RGS7BP: variants seen among roughly 807,000 people sequenced by gnomAD.
RGS7BP encodes regulator of G protein signaling 7-binding protein.
Under a neutral mutation model 31.3 loss-of-function variants are expected in RGS7BP, and 9 were observed. The ratio of observed to expected loss-of-function variants is 0.29; its 90% CI spans 0.17 to 0.50. RGS7BP has a LOEUF of 0.50. Ranked by LOEUF, RGS7BP falls within the 20% of genes least tolerant of loss-of-function variation. The pLI, the probability that RGS7BP is intolerant of heterozygous loss-of-function variation, is 0.98. For missense variants in RGS7BP, 274 were observed against 322.0 expected, an observed-to-expected ratio of 0.85 and a Z score of 1.14; for synonymous variants, 115 against 120.1, an observed-to-expected ratio of 0.96 and a Z score of 0.28.
chr5:64,549,122 G>A (rs776805992), intron 2 of RGS7BP, among the ~76,000 whole-genome samples: 23 of 152,120 alleles, frequency 1.5e-4, no homozygotes, highest in Non-Finnish European at 1.5e-5. Flanking sequence ...ACCTAAATCA[G>A]ATATGAATGA....
At chr5:64,580,669 G>C (rs1177157099) in intron 3 of RGS7BP, among the ~76,000 whole-genome samples, 1 of 151,980 alleles carries the variant, frequency 6.6e-6, no homozygotes. Flanking sequence ...ATGGAAAGAA[G>C]TCTGTTTACT....
chr5:64,597,437 T>G (rs1259614503), intron 4 of RGS7BP, among the ~76,000 whole-genome samples: 2 of 152,020 alleles, frequency 1.3e-5, no homozygotes, highest in African/African-American at 4.8e-5. Context: ...GTTCCCATAC[T>G]GCGCCCCTTT....
intron 2 of RGS7BP, among the ~76,000 whole-genome samples, chr5:64,572,092 A>G (rs957868348): frequency 2.0e-5 from 3 of 152,182 alleles, no homozygotes; most frequent in Non-Finnish European, 2.9e-5. Context: ...TAGACTAAAC[A>G]TAAGTAACAT....
rs137868672 is a variant in RGS7BP, at chr5:64,524,833, G to A, written c.332+16956G>A. On this transcript the variant is annotated intron_variant, in intron 2 of 5. Coordinates refer to ENST00000334025, the MANE Select transcript of RGS7BP (RefSeq NM_001029875.3). ...TGCCCACTGCCCACGAGGCCCCTTA[G>A]CACAACTTCCTTGCCATCATTCTGA... Among the ~76,000 whole-genome samples, 86 of 152,116 alleles carry A rather than the reference G, an allele frequency of 5.7e-4. 1 individual carries two copies. The Middle Eastern group carries it at 0.017, about 30-fold the overall frequency.
intron 2 of RGS7BP, among the ~76,000 whole-genome samples, chr5:64,548,052 T>C (rs1459262316): frequency 1.3e-5 from 2 of 152,136 alleles, no homozygotes; most frequent in African/African-American, 4.8e-5. Context: ...AATAAATATA[T>C]GACAATTCAT....
intron 3 of RGS7BP, among the ~76,000 whole-genome samples, chr5:64,577,732 C>T (rs1430168829): frequency 6.6e-6 from 1 of 152,202 alleles, no homozygotes; most frequent in Non-Finnish European, 1.5e-5. Flanking sequence ...CTCTCTGTCT[C>T]TCTCTGACAC....
chr5:64,506,861 C>A lies in RGS7BP; in HGVS notation c.165+72C>A. On this transcript the variant is annotated intron_variant, in intron 1 of 5. Transcript: ENST00000334025. The surrounding 1 kb of genome is among the most constrained non-coding windows in gnomAD (Gnocchi z 4.6). Reference sequence around the variant, plus strand: ...GGTGGGGGGAGTCATGTATGTTAATCATTTGCCTGAGTGCCAGCCACTCCC... The same window carrying A: ...GGTGGGGGGAGTCATGTATGTTAATAATTTGCCTGAGTGCCAGCCACTCCC... 7.0e-7 allele frequency: 1 copy of A among 1,419,890 alleles called. No homozygotes were observed. The highest frequency in any genetic ancestry group is 2.3e-5 in the Admixed American group (1 of 44,058). The allele number at this position is 1,419,890 out of a possible 1,614,324, so 88.0% of individuals were successfully genotyped here. A position where few individuals can be genotyped will look rare whatever the true frequency, so the allele number is the denominator to read the frequency against.
intron 2 of RGS7BP, among the ~76,000 whole-genome samples, chr5:64,575,399 T>C (rs955782177): frequency 4.6e-5 from 7 of 152,230 alleles, no homozygotes; most frequent in Admixed American, 2.0e-4. Flanking sequence ...TGAATTGCTC[T>C]TGTCAGTTTC....
intron 3 of RGS7BP, among the ~76,000 whole-genome samples, chr5:64,585,088 G>A (rs1002279838): frequency 5.3e-5 from 8 of 152,072 alleles, no homozygotes; most frequent in East Asian, 1.9e-4. Flanking sequence ...ATAAGCATCC[G>A]TGAATCTAAT....
chr5:64,516,180 G>A (rs911929296), intron 2 of RGS7BP, among the ~76,000 whole-genome samples: 1 of 152,148 alleles, frequency 6.6e-6, no homozygotes, highest in Non-Finnish European at 1.5e-5. Flanking sequence ...ATTTGCAGCT[G>A]TAGATACACA....
chr5:64,551,165 C>A (rs1381155510), intron 2 of RGS7BP, among the ~76,000 whole-genome samples: 1 of 151,612 alleles, frequency 6.6e-6, no homozygotes, highest in East Asian at 1.9e-4. Flanking sequence ...AAGAATGTTC[C>A]CCCTTCTGCC....
At chr5:64,512,431 G>C (rs1748862781) in intron 2 of RGS7BP, among the ~76,000 whole-genome samples, 1 of 152,140 alleles carries the variant, frequency 6.6e-6, no homozygotes, top group African/African-American at 2.4e-5. Context: ...GGACCAGACT[G>C]GCAGTCTGGC....
At chr5:64,526,118 G>A (rs1352574829) in intron 2 of RGS7BP, among the ~76,000 whole-genome samples, 2 of 152,216 alleles carry the variant, frequency 1.3e-5, no homozygotes, top group Admixed American at 1.3e-4. Flanking sequence ...GGTGACGTCA[G>A]CCAGAGAGAC....
chr5:64,529,145 C>T (rs1580400108), intron 2 of RGS7BP, among the ~76,000 whole-genome samples: 1 of 151,828 alleles, frequency 6.6e-6, no homozygotes, highest in South Asian at 2.1e-4. Context: ...TACTTTTTTG[C>T]CATTTTAATA....
At chr5:64,538,854 G>C (rs938381004) in intron 2 of RGS7BP, among the ~76,000 whole-genome samples, 39 of 152,192 alleles carry the variant, frequency 2.6e-4, no homozygotes, top group African/African-American at 8.2e-4. Context: ...TGTAGCCTTT[G>C]AGTCTAGCTT....
Position 64,507,886 on chromosome 5 carries a change from C to G in RGS7BP, c.332+9C>G. 1.2e-6 allele frequency: 2 copies of G among 1,607,800 alleles called. No homozygotes were observed. The highest frequency in any genetic ancestry group is 1.7e-6 in the Non-Finnish European group (2 of 1,176,522). On this transcript the variant is annotated intron_variant, in intron 2 of 5. Coordinates refer to ENST00000334025, the MANE Select transcript of RGS7BP (RefSeq NM_001029875.3). ...TTGGCTGCCATCTCAGGGTAGGAGACTCGGCATTATTTGGTAATCCATATA... is the reference window on the plus strand; with the variant it reads ...TTGGCTGCCATCTCAGGGTAGGAGAGTCGGCATTATTTGGTAATCCATATA...
In RGS7BP at chr5:64,609,460, C is replaced by T. The variant is rs964048059; in HGVS notation, c.*208C>T. ...GAAAAAAAAGAACAGATTCAAAAAC[C>T]AGGCTGTTTTTAAAAGGGAATTTTA... On this transcript the variant is annotated 3_prime_UTR_variant, in exon 6 of 6. Transcript: ENST00000334025. 7.4e-6 allele frequency: 4 copies of T among 541,740 alleles called. No individual in the cohort carries two copies. In the Admixed American group the frequency reaches 9.2e-5, roughly 13 times the overall value. The allele number at this position is 541,740 out of a possible 1,614,324, so 33.6% of individuals were successfully genotyped here.
intron 2 of RGS7BP, among the ~76,000 whole-genome samples, chr5:64,563,186 T>C (rs998081183): frequency 6.6e-6 from 1 of 152,078 alleles, no homozygotes; most frequent in Non-Finnish European, 1.5e-5. Context: ...AAAACCCTAG[T>C]GTATTATAGA....
chr5:64,506,913 ACG>A lies in RGS7BP; in HGVS notation c.165+125_165+126del. On this transcript the variant is annotated intron_variant, in intron 1 of 5. Transcript: ENST00000334025. The surrounding 1 kb of genome is among the most constrained non-coding windows in gnomAD (Gnocchi z 4.6). ...CACCCTCAGCTCCTCAATGCCGATC[ACG>A]TGGCACATGCACTATTTTTAAATCT... 2 of 874,062 alleles carry A rather than the reference ACG, an allele frequency of 2.3e-6. No individual in the cohort carries two copies. The highest frequency in any genetic ancestry group is 3.5e-6 in the Non-Finnish European group (2 of 578,048). 54.1% of individuals were successfully genotyped at this position (874,062 alleles called of 1,614,324 possible). A position where few individuals can be genotyped will look rare whatever the true frequency, so the allele number is the denominator to read the frequency against.
Sources: gnomAD v4.1 joint callset for allele counts (sites outside exome capture counted in the v4.1 genomes callset) on GRCh38, gnomAD v4.1.1 for gene constraint, Gnocchi (gnomAD v3.1) non-coding constraint, MANE v1.5 for transcripts, NCBI Gene and HGNC (gene_info 2026-07-23, HGNC 2026-07-21) for gene names.